Variants in ATP6V1C2 observed in about 807,000 individuals in gnomAD.
ATP6V1C2 encodes the protein ATPase H+ transporting V1 subunit C2.
Under a neutral mutation model 56.8 loss-of-function variants are expected in ATP6V1C2, and 45 were observed. That is an observed-to-expected ratio of 0.79 (90% CI 0.62 to 1.02). The LOEUF (loss-of-function observed/expected upper bound fraction) is 1.02. Among genes scored for constraint, ATP6V1C2 ranks in the 50% least tolerant of loss-of-function variants. The probability of loss-of-function intolerance (pLI) is 0.00; values close to 1 mark genes in which losing one functional copy is unlikely to be tolerated. For synonymous variants in ATP6V1C2, 220 were observed against 201.3 expected (o/e 1.09, Z -0.79); for missense variants, 463 against 519.7 (o/e 0.89, Z 1.06).
chr2:10,767,129 TTAAA>T (rs1189576303), intron 5 of ATP6V1C2, among the ~76,000 whole-genome samples: 1 of 151,328 alleles, frequency 6.6e-6, no homozygotes, highest in African/African-American at 2.4e-5. Flanking sequence ...CACTTTATCT[TTAAA>T]TATTTTTTTA....
At chr2:10,742,674 C>T (rs1256312330) in intron 3 of ATP6V1C2, among the ~76,000 whole-genome samples, 1 of 152,162 alleles carries the variant, frequency 6.6e-6, no homozygotes, top group Non-Finnish European at 1.5e-5. Context: ...GAGCCCCCCT[C>T]ACCGTTGGGA....
At chr2:10,769,140 A>AG (rs1335758243) in intron 6 of ATP6V1C2, among the ~76,000 whole-genome samples, 50 of 152,320 alleles carry the variant, frequency 3.3e-4, no homozygotes, top group Admixed American at 1.2e-3. Context: ...GAGGGCCCCC[A>AG]GGGGTGACGG....
intron 8 of ATP6V1C2, among the ~76,000 whole-genome samples, chr2:10,773,182 G>A (rs1459856861): frequency 6.6e-6 from 1 of 152,184 alleles, no homozygotes. Context: ...CTGCAGAGGA[G>A]CAGAGGGTCT....
At chr2:10,766,288 G>A (rs1025671895) in intron 5 of ATP6V1C2, among the ~76,000 whole-genome samples, 3 of 152,150 alleles carry the variant, frequency 2.0e-5, no homozygotes, top group Non-Finnish European at 2.9e-5. Flanking sequence ...GACACCCCCC[G>A]CCTCAGCCTC....
chr2:10,783,560 GTTCA>G lies in ATP6V1C2; in HGVS notation c.*300_*303del. 1 of 286,818 alleles carries G rather than the reference GTTCA, an allele frequency of 3.5e-6. No individual in the cohort carries two copies. Among genetic ancestry groups the G allele is most frequent in the Non-Finnish European group, 6.7e-6 (1 of 149,382 alleles). 17.8% of individuals were successfully genotyped at this position (286,818 alleles called of 1,614,324 possible). A position where few individuals can be genotyped will look rare whatever the true frequency, so the allele number is the denominator to read the frequency against. On this transcript the variant is annotated 3_prime_UTR_variant, in exon 14 of 14. Transcript: ENST00000272238. ...TTCATGTCTTAACGGCTATTTTGAG[GTTCA>G]TTAACAACATAGAAAGCCTTGAACT...
chr2:10,775,744 T>A (rs893137420), intron 10 of ATP6V1C2, among the ~76,000 whole-genome samples: 13 of 152,098 alleles, frequency 8.5e-5, no homozygotes, highest in Non-Finnish European at 1.6e-4. Flanking sequence ...CCTTCCATAC[T>A]CAGGTTCTCC....
chr2:10,773,518 G>T (rs1664764047), intron 8 of ATP6V1C2, among the ~76,000 whole-genome samples: 1 of 152,188 alleles, frequency 6.6e-6, no homozygotes, highest in East Asian at 1.9e-4. Flanking sequence ...AAGTAGCTGG[G>T]ATTATAGGCG....
chr2:10,759,757 GACA>G (rs1426748861), intron 4 of ATP6V1C2, among the ~76,000 whole-genome samples: 4 of 151,874 alleles, frequency 2.6e-5, no homozygotes, highest in Admixed American at 1.3e-4. Context: ...GCCTCATTCT[GACA>G]ACAAGAGGTC....
rs1351133098 is a variant in ATP6V1C2, at chr2:10,780,553, T to C, written c.1062-1690T>C. 6.6e-6 allele frequency among the ~76,000 whole-genome samples: 1 copy of C among 152,148 alleles called. No individual in the cohort carries two copies. Among genetic ancestry groups the C allele is most frequent in the East Asian group, 1.9e-4 (1 of 5,180 alleles). On this transcript the variant is annotated intron_variant, in intron 12 of 13. Transcript: ENST00000272238. This position sits in a 1 kb window ranked among gnomAD's most constrained non-coding sequence, Gnocchi z 4.1. ...TACCGACACGGATGGCAGCATTGGG[T>C]TGGAGGGTGTACCCAGCTCCTGGGA...
intron 3 of ATP6V1C2, among the ~76,000 whole-genome samples, chr2:10,740,949 A>G (rs1269629858): frequency 6.6e-6 from 1 of 152,234 alleles, no homozygotes; most frequent in African/African-American, 2.4e-5. Flanking sequence ...GGCCTCCCAA[A>G]GTGCTGGGAT....
rs756200816 is a variant in ATP6V1C2, at chr2:10,785,033, T to C, written c.*1770T>C. On this transcript the variant is annotated 3_prime_UTR_variant, in exon 14 of 14. Transcript: ENST00000272238. ...AGCCACGCCCAAAAGAGAGCTCCCT[T>C]AGGGAAAAATGACCAAAACACACAC... is the stretch of plus-strand genomic sequence containing the variant. The C allele has an allele frequency of 6.4e-7, 1 of 1,564,422 alleles. No individual in the cohort carries two copies. Among genetic ancestry groups the C allele is most frequent in the Non-Finnish European group, 8.7e-7 (1 of 1,151,722 alleles).
intron 8 of ATP6V1C2, 140 bp downstream of exon 8, chr2:10,772,750 G>A: frequency 1.3e-6 from 1 of 762,696 alleles, no homozygotes. Context: ...CCCTTGGCCT[G>A]GAATTCTGTC....
At chr2:10,769,405 G>A (rs1043024175) in intron 6 of ATP6V1C2, among the ~76,000 whole-genome samples, 1 of 152,160 alleles carries the variant, frequency 6.6e-6, no homozygotes. Flanking sequence ...TGTTGGAGGT[G>A]TGTAAGAGAA....
At chr2:10,779,433 A>ATATATATATGT (rs1371018256) in intron 12 of ATP6V1C2, among the ~76,000 whole-genome samples, 2 of 118,866 alleles carry the variant, frequency 1.7e-5, no homozygotes, top group Non-Finnish European at 3.6e-5. Context: ...AAAAAAATAT[A>ATATATATATGT]TATATATATG....
intron 3 of ATP6V1C2, among the ~76,000 whole-genome samples, chr2:10,751,884 G>A (rs1017174736): frequency 4.6e-5 from 7 of 152,108 alleles, no homozygotes; most frequent in Non-Finnish European, 1.0e-4. Context: ...GAGGCCTGAG[G>A]ATCGCTTTAG....
At chr2:10,771,015 A>G (rs1026297891) in intron 6 of ATP6V1C2, among the ~76,000 whole-genome samples, 2 of 152,230 alleles carry the variant, frequency 1.3e-5, no homozygotes, top group African/African-American at 4.8e-5. Flanking sequence ...GTGCTAGGAC[A>G]GGGAGGCTCA....
At chr2:10,778,881 A>G (rs538450588) in intron 12 of ATP6V1C2, among the ~76,000 whole-genome samples, 2 of 152,132 alleles carry the variant, frequency 1.3e-5, no homozygotes, top group East Asian at 1.9e-4. Flanking sequence ...TTCCTGCTAC[A>G]CTTGGGGCAA....
intron 3 of ATP6V1C2, among the ~76,000 whole-genome samples, chr2:10,731,152 T>TGG (rs1661929674): frequency 6.6e-5 from 10 of 151,962 alleles, no homozygotes; most frequent in Non-Finnish European, 1.5e-4. Context: ...TCTTACTATA[T>TGG]CTCCCAGGCT....
upstream of ATP6V1C2, among the ~76,000 whole-genome samples, chr2:10,721,424 C>T (rs2148395796): frequency 6.6e-6 from 1 of 152,228 alleles, no homozygotes; most frequent in East Asian, 1.9e-4. Flanking sequence ...GCAGAAGCCC[C>T]CAGGGCCCCG....
Sources: allele counts gnomAD v4.1 joint callset (sites outside exome capture counted in the v4.1 genomes callset), GRCh38; gene constraint gnomAD v4.1.1; non-coding constraint Gnocchi (gnomAD v3.1); transcripts MANE v1.5; gene names NCBI Gene and HGNC (gene_info 2026-07-23, HGNC 2026-07-21).